The following PDGFC variants were observed in gnomAD, a reference collection of about 807,000 sequenced individuals.
The protein encoded by PDGFC is platelet-derived growth factor C.
PDGFC carries 12 observed loss-of-function variants against 35.5 expected under a neutral mutation model. The observed-to-expected ratio is 0.34, with a 90% CI of 0.22 to 0.55. PDGFC has a LOEUF of 0.55. Ranked by LOEUF, PDGFC falls within the 20% of genes least tolerant of loss-of-function variation. The pLI, the probability that PDGFC is intolerant of heterozygous loss-of-function variation, is 0.91. For missense variants in PDGFC, 322 were observed against 412.4 expected (o/e 0.78, Z 1.90); for synonymous variants, 159 against 148.8 (o/e 1.07, Z -0.50).
rs544648005 is a variant in PDGFC, at chr4:156,848,378, A to G, written c.314+1843T>C. On this transcript the variant is annotated intron_variant, in intron 2 of 5. Transcript: ENST00000502773. ...CTCTACCTAGTAAAGCTGAAAATAT[A>G]AATGTCTTAAAACACTGAAACCATT... Among the ~76,000 whole-genome samples, 5 of 152,050 alleles carry G rather than the reference A, an allele frequency of 3.3e-5. No individual in the cohort carries two copies. The South Asian group carries it at 1.0e-3, about 32-fold the overall frequency.
chr4:156,874,261 A>G (rs1187643031), intron 1 of PDGFC, among the ~76,000 whole-genome samples: 1 of 152,206 alleles, frequency 6.6e-6, no homozygotes, highest in Non-Finnish European at 1.5e-5. Flanking sequence ...ACCATAATAC[A>G]AAAGGAAAAA....
At chr4:156,842,847 A>C (rs1729237456) in intron 2 of PDGFC, among the ~76,000 whole-genome samples, 1 of 152,212 alleles carries the variant, frequency 6.6e-6, no homozygotes, top group South Asian at 2.1e-4. Context: ...GGTACTAGTC[A>C]GCTACTGATG....
At chr4:156,861,382 GA>G (rs1729706409) in intron 1 of PDGFC, 1 of 688,046 alleles carries the variant, frequency 1.5e-6, no homozygotes, top group Admixed American at 2.7e-5. Flanking sequence ...TTTCTGATAA[GA>G]AAAGCTTAAA....
chr4:156,810,557 T>TA (rs1483283775), intron 3 of PDGFC, among the ~76,000 whole-genome samples: 1 of 152,062 alleles, frequency 6.6e-6, no homozygotes, highest in Non-Finnish European at 1.5e-5. Context: ...ATCAGTTGTC[T>TA]AGATAATATT....
intron 4 of PDGFC, among the ~76,000 whole-genome samples, chr4:156,771,331 C>T (rs752753108): frequency 6.6e-6 from 1 of 152,114 alleles, no homozygotes. Flanking sequence ...CTGCTTCTTA[C>T]AGATCAACAT....
intron 1 of PDGFC, among the ~76,000 whole-genome samples, chr4:156,865,570 CAT>C (rs1181116280): frequency 1.3e-5 from 2 of 152,088 alleles, no homozygotes; most frequent in African/African-American, 4.8e-5. Flanking sequence ...GTTAGTCACT[CAT>C]GTGAATTATC....
At chr4:156,799,897 A>G (rs1436003832) in intron 3 of PDGFC, among the ~76,000 whole-genome samples, 1 of 152,212 alleles carries the variant, frequency 6.6e-6, no homozygotes, top group Non-Finnish European at 1.5e-5. Context: ...CTACTAAAAA[A>G]AATTGGTAAA....
intron 1 of PDGFC, among the ~76,000 whole-genome samples, chr4:156,888,556 T>G (rs1404524265): frequency 6.6e-6 from 1 of 152,212 alleles, no homozygotes; most frequent in Admixed American, 6.5e-5. Flanking sequence ...AAATCTTTCT[T>G]GAGAAATCTC....
At chr4:156,909,440 C>T (rs1402530249) in intron 1 of PDGFC, among the ~76,000 whole-genome samples, 1 of 152,072 alleles carries the variant, frequency 6.6e-6, no homozygotes, top group African/African-American at 2.4e-5. Flanking sequence ...AGAAAGTAAC[C>T]AAACAAGTGA....
intron 1 of PDGFC, among the ~76,000 whole-genome samples, chr4:156,900,662 A>G (rs946776364): frequency 6.6e-6 from 1 of 152,070 alleles, no homozygotes; most frequent in African/African-American, 2.4e-5. Context: ...GCAACATGGC[A>G]AAACATCATC....
chr4:156,940,388 T>C (rs916684450), intron 1 of PDGFC, among the ~76,000 whole-genome samples: 2 of 152,138 alleles, frequency 1.3e-5, no homozygotes, highest in Non-Finnish European at 2.9e-5. Flanking sequence ...CTCTGGACAA[T>C]TGATTTTATC....
chr4:156,788,362 T>G (rs1445375029), intron 3 of PDGFC, among the ~76,000 whole-genome samples: 2 of 152,212 alleles, frequency 1.3e-5, no homozygotes, highest in Non-Finnish European at 2.9e-5. Context: ...CTTTAAGAAC[T>G]TGGCTAAGAG....
At chr4:156,951,740 A>C (rs572019943) in intron 1 of PDGFC, among the ~76,000 whole-genome samples, 30 of 150,094 alleles carry the variant, frequency 2.0e-4, no homozygotes, top group South Asian at 6.2e-4. Flanking sequence ...AGAAAAAAAA[A>C]AAAAAACAAA....
chr4:156,769,278 G>A lies in PDGFC; in HGVS notation c.704-1288C>T, dbSNP rs547774653. On this transcript the variant is annotated intron_variant, in intron 4 of 5. Transcript: ENST00000502773. Reference sequence around the variant, plus strand: ...TGTAATCCAATTTTTTAAATTAAAAGCTAAGTTTTATTAATTTTTAAGTGA... The same window carrying A: ...TGTAATCCAATTTTTTAAATTAAAAACTAAGTTTTATTAATTTTTAAGTGA... 9.9e-5 allele frequency among the ~76,000 whole-genome samples: 15 copies of A among 151,868 alleles called. No homozygotes were observed. The South Asian group carries it at 3.1e-3, about 32-fold the overall frequency.
chr4:156,929,349 A>G lies in PDGFC; in HGVS notation c.118+41437T>C, dbSNP rs891193637. ...GAACAAAAATGCATTCTATATCCCA[A>G]CCTATCTATGTGAGATATTAGTTGG... On this transcript the variant is annotated intron_variant, in intron 1 of 5. Coordinates refer to ENST00000502773, the MANE Select transcript of PDGFC (RefSeq NM_016205.3). 2.6e-5 allele frequency among the ~76,000 whole-genome samples: 4 copies of G among 152,190 alleles called. No individual in the cohort carries two copies. In the East Asian group the frequency reaches 7.7e-4, roughly 29 times the overall value.
chr4:156,959,630 T>G (rs187824546), intron 1 of PDGFC, among the ~76,000 whole-genome samples: 4 of 152,108 alleles, frequency 2.6e-5, no homozygotes, highest in Admixed American at 2.6e-4. Flanking sequence ...TTCCAGTGCT[T>G]TATGCAGTTT....
rs568339013 is a variant in PDGFC, at chr4:156,793,334, C to T, written c.495+17503G>A. The stretch of plus-strand genomic sequence containing the variant: ...TATACAATCTTTTCCCAGAAAGGGA[C>T]GTAAAATGACCAAAGAGCATACTCT... On this transcript the variant is annotated intron_variant, in intron 3 of 5. Transcript: ENST00000502773. 2.0e-4 allele frequency among the ~76,000 whole-genome samples: 30 copies of T among 151,646 alleles called. 1 individual carries two copies. In the East Asian group the frequency reaches 4.9e-3, roughly 25 times the overall value.
At chr4:156,899,963 A>C (rs1483339209) in intron 1 of PDGFC, among the ~76,000 whole-genome samples, 3 of 152,098 alleles carry the variant, frequency 2.0e-5, no homozygotes, top group Non-Finnish European at 4.4e-5. Context: ...GAAACCTTCT[A>C]CTCTTCTGGT....
intron 4 of PDGFC, among the ~76,000 whole-genome samples, chr4:156,772,173 T>A (rs1730709184): frequency 6.6e-6 from 1 of 152,288 alleles, no homozygotes; most frequent in South Asian, 2.1e-4. Context: ...ATGAATTCTA[T>A]TTTATGTTGG....
Sources: allele counts gnomAD v4.1 joint callset (sites outside exome capture counted in the v4.1 genomes callset), GRCh38; gene constraint gnomAD v4.1.1; transcripts MANE v1.5; gene names NCBI Gene and HGNC (gene_info 2026-07-23, HGNC 2026-07-21).